ESR1: variants seen among roughly 807,000 people sequenced by gnomAD.
ESR1 encodes the protein estrogen receptor 1.
A neutral mutation model predicts 52.7 loss-of-function variants in ESR1; 12 were observed. The observed-to-expected ratio is 0.23, with a 90% confidence interval of 0.15 to 0.37. The LOEUF is 0.37. Ranked by LOEUF, ESR1 falls within the 10% of genes least tolerant of loss-of-function variation. The pLI, the probability that ESR1 is intolerant of heterozygous loss-of-function variation, is 1.00. For synonymous variants in ESR1, 305 were observed against 316.8 expected (o/e 0.96, Z 0.39); for missense variants, 584 against 779.7 (o/e 0.75, Z 2.99).
At chr6:151,920,989 T>A (rs1236611565) in intron 3 of ESR1, among the ~76,000 whole-genome samples, 1 of 152,132 alleles carries the variant, frequency 6.6e-6, no homozygotes. Context: ...GTTACATAGT[T>A]AAACGTGTGC....
chr6:151,996,758 A>C (rs750057205), intron 4 of ESR1, among the ~76,000 whole-genome samples: 1 of 152,124 alleles, frequency 6.6e-6, no homozygotes, highest in African/African-American at 2.4e-5. Context: ...AATCCTTCAC[A>C]CAGTAAATTG....
chr6:152,116,737 T>C (rs576334773), intron 6 of ESR1, among the ~76,000 whole-genome samples: 1 of 151,460 alleles, frequency 6.6e-6, no homozygotes, highest in South Asian at 2.1e-4. Flanking sequence ...ATATTTGTAT[T>C]ATTTATATCT....
intron 2 of ESR1, among the ~76,000 whole-genome samples, chr6:151,731,898 A>G (rs780236072): frequency 2.6e-5 from 4 of 152,204 alleles, no homozygotes; most frequent in Non-Finnish European, 5.9e-5. Context: ...CCCACTAATC[A>G]GAAGAAGAAA....
At chr6:151,875,989 G>A (rs988931278) in intron 2 of ESR1, among the ~76,000 whole-genome samples, 2 of 152,142 alleles carry the variant, frequency 1.3e-5, no homozygotes, top group African/African-American at 2.4e-5. Context: ...AAGGATTGGC[G>A]GGGGAAGGCT....
intron 4 of ESR1, among the ~76,000 whole-genome samples, chr6:151,963,253 T>C (rs964553112): frequency 2.6e-5 from 4 of 152,230 alleles, no homozygotes; most frequent in African/African-American, 9.6e-5. Context: ...CCGTGCAATG[T>C]TTTCTCTGGA....
At chr6:152,116,948 G>T (rs1470075210) in intron 6 of ESR1, among the ~76,000 whole-genome samples, 3 of 152,200 alleles carry the variant, frequency 2.0e-5, no homozygotes, top group African/African-American at 4.8e-5. Flanking sequence ...GGGGAAGCTT[G>T]CTGTTACTGC....
intron 2 of ESR1, among the ~76,000 whole-genome samples, chr6:151,850,144 T>G (rs1786376137): frequency 1.7e-4 from 1 of 6,024 alleles, no homozygotes; most frequent in Non-Finnish European, 5.4e-4. Context: ...CAGGCTGAAT[T>G]GTGTCTCCCA....
chr6:151,797,544 T>C (rs1320965004), intron 2 of ESR1, among the ~76,000 whole-genome samples: 1 of 152,270 alleles, frequency 6.6e-6, no homozygotes, highest in Non-Finnish European at 1.5e-5. Flanking sequence ...CTCCTCATTT[T>C]TCCTTTGGGA....
In ESR1 at chr6:152,098,907, C is replaced by G. The variant is rs957333139; in HGVS notation, c.1729C>G (p.His577Asp). 3 of 1,614,244 alleles carry G rather than the reference C, an allele frequency of 1.9e-6. No individual in the cohort carries two copies. The highest frequency in any genetic ancestry group is 2.5e-6 in the Non-Finnish European group (3 of 1,180,046). The change falls in exon 8 of 8, where the codon CAT becomes GAT. Residue 577 changes from histidine (H) to aspartate (D), a missense_variant. Coordinates refer to ENST00000206249, the MANE Select transcript of ESR1 (RefSeq NM_000125.4). The surrounding 1 kb of genome is among the most constrained non-coding windows in gnomAD (Gnocchi z 5.1). ...HLATAGSTSSHSLQKYYITGE... is the reference protein window; with the variant it reads ...HLATAGSTSSDSLQKYYITGE... Reference sequence around the variant, plus strand: ...GGCCACTGCGGGCTCTACTTCATCGCATTCCTTGCAAAAGTATTACATCAC... The same window carrying G: ...GGCCACTGCGGGCTCTACTTCATCGGATTCCTTGCAAAAGTATTACATCAC...
chr6:151,751,801 A>G (rs978809740), intron 2 of ESR1, among the ~76,000 whole-genome samples: 8 of 152,236 alleles, frequency 5.3e-5, no homozygotes, highest in African/African-American at 1.9e-4. Flanking sequence ...TTGGTACAGC[A>G]CACCAGGAGA....
At chr6:151,664,994 T>G (rs1189423596) in intron 1 of ESR1, among the ~76,000 whole-genome samples, 1 of 152,230 alleles carries the variant, frequency 6.6e-6, no homozygotes, top group Non-Finnish European at 1.5e-5. Context: ...ACATGCCAGC[T>G]TTAACTGCCA....
intron 4 of ESR1, among the ~76,000 whole-genome samples, chr6:151,982,544 G>GATAAGAAGCCTACTCCCAGTGGTTAC (rs2040092137): frequency 1.3e-5 from 2 of 151,244 alleles, no homozygotes; most frequent in African/African-American, 4.9e-5. Context: ...GAATGCAGTG[G>GATAAGAAGCCTACTCCCAGTGGTTAC]TGTGATCTCG....
chr6:151,813,953 G>A (rs1024280388), intron 1 of ESR1, among the ~76,000 whole-genome samples: 1 of 152,132 alleles, frequency 6.6e-6, no homozygotes, highest in African/African-American at 2.4e-5. Flanking sequence ...GAAGACCTCT[G>A]CAGTTTTGTT....
At chr6:151,993,465 C>T (rs1386580341) in intron 4 of ESR1, among the ~76,000 whole-genome samples, 1 of 152,084 alleles carries the variant, frequency 6.6e-6, no homozygotes, top group Non-Finnish European at 1.5e-5. Context: ...AGCTTTCTTA[C>T]CAAATTGTAC....
chr6:151,944,294 C>A lies in ESR1; in HGVS notation c.882C>A (p.Ser294Arg), dbSNP rs1160344074. The A allele has an allele frequency of 3.1e-6, 5 of 1,614,162 alleles. No homozygotes were observed. The South Asian group carries it at 4.4e-5, about 14-fold the overall frequency. Residue 294 changes from serine to arginine, a missense_variant, in exon 4 of 8, where the codon AGC becomes AGA. Coordinates refer to ENST00000206249, the MANE Select transcript of ESR1 (RefSeq NM_000125.4). ...TGAGAGCTGCCAACCTTTGGCCAAG[C>A]CCGCTCATGATCAAACGCTCTAAGA... The part of the protein sequence containing the change: ...GDMRAANLWP[S>R]PLMIKRSKKN...
chr6:151,838,781 A>T (rs565282887), intron 1 of ESR1, among the ~76,000 whole-genome samples: 24 of 152,162 alleles, frequency 1.6e-4, no homozygotes, highest in African/African-American at 4.8e-4. Flanking sequence ...AATATAGCCC[A>T]TGTAGTTTCC....
At chr6:151,800,118 A>T (rs757503310), upstream of ESR1, among the ~76,000 whole-genome samples, 23 of 152,204 alleles carry the variant, frequency 1.5e-4, no homozygotes, top group Non-Finnish European at 2.8e-4. Context: ...TGGACTTCCT[A>T]GTCAGGAAAG....
intron 3 of ESR1, among the ~76,000 whole-genome samples, chr6:151,900,926 C>T (rs1393856061): frequency 1.3e-5 from 2 of 152,180 alleles, no homozygotes; most frequent in East Asian, 3.8e-4. Flanking sequence ...TGGCCTCCTG[C>T]CAGGAGGTGG....
chr6:151,734,613 C>T (rs1208644666), intron 2 of ESR1, among the ~76,000 whole-genome samples: 2 of 151,940 alleles, frequency 1.3e-5, no homozygotes, highest in East Asian at 3.9e-4. Flanking sequence ...TGTATAAGGG[C>T]AAAGCTAACC....
Sources: gnomAD v4.1 joint callset for allele counts (sites outside exome capture counted in the v4.1 genomes callset) on GRCh38, gnomAD v4.1.1 for gene constraint, Gnocchi (gnomAD v3.1) non-coding constraint, MANE v1.5 for transcripts, NCBI Gene and HGNC (gene_info 2026-07-23, HGNC 2026-07-21) for gene names.